The following KATNIP variants were observed in gnomAD, a reference collection of about 807,000 sequenced individuals.
The protein encoded by KATNIP is katanin-interacting protein.
Under a neutral mutation model 174.0 loss-of-function variants are expected in KATNIP, and 126 were observed. That is an observed-to-expected ratio of 0.72 (90% CI 0.63 to 0.84). The LOEUF (loss-of-function observed/expected upper bound fraction) is 0.84. KATNIP is among the 40% of genes least tolerant of loss of function. KATNIP has a pLI of 0.00. For synonymous variants in KATNIP, 810 were observed against 835.7 expected (o/e 0.97, Z 0.53); for missense variants, 1,958 against 2,109.7 (o/e 0.93, Z 1.41).
At chr16:27,613,340 A>G (rs977280924) in intron 2 of KATNIP, among the ~76,000 whole-genome samples, 2 of 152,194 alleles carry the variant, frequency 1.3e-5, no homozygotes, top group African/African-American at 4.8e-5. Context: ...TCAACATTTA[A>G]GAAGTGGAGA....
At chr16:27,555,061 G>A (rs1183782343) in intron 1 of KATNIP, among the ~76,000 whole-genome samples, 1 of 152,086 alleles carries the variant, frequency 6.6e-6, no homozygotes, top group African/African-American at 2.4e-5. Context: ...GCCTCCCAAA[G>A]TGCTGGGATT....
In KATNIP at chr16:27,600,653, T is replaced by G. The variant is rs149354982; in HGVS notation, c.64-17772T>G. On this transcript the variant is annotated intron_variant, in intron 2 of 27. Transcript: ENST00000261588. ...CAATTCGGTGTCTTGTTTTCTCTTC[T>G]GCAAAGCCCACCCAGCCCCGCCAGT... is the stretch of plus-strand genomic sequence containing the variant. 2.6e-4 allele frequency among the ~76,000 whole-genome samples: 39 copies of G among 151,504 alleles called. No homozygotes were observed. The East Asian group carries it at 6.4e-3, about 25-fold the overall frequency.
intron 8 of KATNIP, among the ~76,000 whole-genome samples, chr16:27,698,114 G>A (rs1045935050): frequency 6.6e-6 from 1 of 152,070 alleles, no homozygotes; most frequent in African/African-American, 2.4e-5. Flanking sequence ...CCCTCCCCAG[G>A]ACCAAGTCCC....
intron 9 of KATNIP, among the ~76,000 whole-genome samples, chr16:27,699,140 G>A (rs183211202): frequency 6.0e-4 from 91 of 152,308 alleles, no homozygotes; most frequent in African/African-American, 1.9e-3. Context: ...TTGTCCCCCC[G>A]ATGCTCAGAG....
intron 20 of KATNIP, among the ~76,000 whole-genome samples, chr16:27,768,775 A>C (rs2082203804): frequency 6.6e-6 from 1 of 152,138 alleles, no homozygotes; most frequent in African/African-American, 2.4e-5. Context: ...GGGGCTCCCA[A>C]AATGCTGAAG....
chr16:27,657,343 T>C (rs2077332107), intron 6 of KATNIP, among the ~76,000 whole-genome samples: 1 of 152,130 alleles, frequency 6.6e-6, no homozygotes, highest in Non-Finnish European at 1.5e-5. Flanking sequence ...ACGTTTTCTG[T>C]AGGTTTTACA....
chr16:27,772,897 A>G (rs1000092572), intron 22 of KATNIP, among the ~76,000 whole-genome samples: 3 of 152,144 alleles, frequency 2.0e-5, no homozygotes, highest in African/African-American at 7.2e-5. Context: ...ACATGCACAC[A>G]CACACACACA....
intron 15 of KATNIP, among the ~76,000 whole-genome samples, chr16:27,748,461 C>T (rs1440670413): frequency 6.6e-6 from 1 of 152,068 alleles, no homozygotes; most frequent in Non-Finnish European, 1.5e-5. Context: ...CATGTTGGTG[C>T]ACACCTGTGG....
At chr16:27,696,666 T>C (rs1156832912) in intron 8 of KATNIP, among the ~76,000 whole-genome samples, 1 of 152,146 alleles carries the variant, frequency 6.6e-6, no homozygotes, top group Non-Finnish European at 1.5e-5. Flanking sequence ...GAGAACACGA[T>C]CTCATTCTTT....
intron 1 of KATNIP, among the ~76,000 whole-genome samples, chr16:27,568,854 C>T (rs575098595): frequency 1.3e-4 from 20 of 152,086 alleles, no homozygotes; most frequent in Non-Finnish European, 2.8e-4. Flanking sequence ...TCCTTTTATT[C>T]TCCAAAACCT....
At chr16:27,751,980 A>G (rs2081539509) in intron 17 of KATNIP, 56 bp downstream of exon 17, 1 of 1,418,868 alleles carries the variant, frequency 7.0e-7, no homozygotes, top group Admixed American at 2.1e-5. Flanking sequence ...TCTTCCCCTA[A>G]CTCAGAGTAG....
intron 2 of KATNIP, among the ~76,000 whole-genome samples, chr16:27,581,253 T>A (rs987882933): frequency 3.3e-5 from 5 of 152,212 alleles, no homozygotes; most frequent in African/African-American, 1.2e-4. Context: ...AAGAATACTT[T>A]AAAGAATATT....
intron 2 of KATNIP, among the ~76,000 whole-genome samples, chr16:27,608,027 T>G (rs1049893004): frequency 6.6e-6 from 1 of 152,192 alleles, no homozygotes; most frequent in Non-Finnish European, 1.5e-5. Flanking sequence ...CACTCTCAGC[T>G]GCTCCTGAAT....
intron 12 of KATNIP, 39 bp from the exon 13 acceptor site, chr16:27,708,666 A>T (rs1383183130): frequency 6.5e-7 from 1 of 1,549,306 alleles, no homozygotes; most frequent in Non-Finnish European, 8.8e-7. Context: ...CAAGCCTGTC[A>T]TGACTTAATC....
At position 27,677,830 on chromosome 16, in the gene KATNIP, G is replaced by A; in HGVS notation, c.642G>A (p.Glu214=). The stretch of plus-strand genomic sequence containing the variant: ...CTATTGAGGAAGACATACTCTCTGA[G>A]CCTGAGCCAGAGGACCCGGCACTGG... The part of the protein sequence containing the change: ...YDSIEEDILS[E]PEPEDPALVG... Residue 214 remains glutamate (E), a synonymous_variant, in exon 7 of 28, where the codon GAG becomes GAA. Coordinates refer to ENST00000261588, the MANE Select transcript of KATNIP (RefSeq NM_015202.5). 1.2e-6 allele frequency: 2 copies of A among 1,614,218 alleles called. No individual in the cohort carries two copies. The highest frequency in any genetic ancestry group is 1.7e-6 in the Non-Finnish European group (2 of 1,180,040).
Position 27,774,967 on chromosome 16 carries a change from C to T in KATNIP, c.4332C>T (p.Ser1444=), listed in dbSNP as rs758257240. 36 of 1,613,826 alleles carry T rather than the reference C, an allele frequency of 2.2e-5. No individual in the cohort carries two copies. The South Asian group carries it at 3.2e-4, about 14-fold the overall frequency. ...SENNIAAFPD[S]VNSLEGVGGD... ...CAGATATTGCGGCCTTCCCCGACAG[C>T]GTGAACTCCCTGGAGGGTGTGGGCG... Residue 1444 remains serine, a synonymous_variant, in exon 24 of 28, where the codon AGC becomes AGT. Transcript: ENST00000261588.
At position 27,778,708 on chromosome 16, in the gene KATNIP, C is replaced by T. The variant is rs749822505; in HGVS notation, c.*79C>T. ...CCCACTCAGTGCCTGCGTCCCTCAC[C>T]CTCAGTCCCAGGAGCTGGAAGCGAA... On this transcript the variant is annotated 3_prime_UTR_variant, in exon 28 of 28. Coordinates refer to ENST00000261588, the MANE Select transcript of KATNIP (RefSeq NM_015202.5). 1.6e-4 allele frequency: 225 copies of T among 1,425,176 alleles called. 1 individual carries two copies. Among genetic ancestry groups the T allele is most frequent in the Middle Eastern group, 1.3e-3 (7 of 5,350 alleles). 88.3% of individuals were successfully genotyped at this position (1,425,176 alleles called of 1,614,324 possible).
At chr16:27,588,399 A>G (rs576562385) in intron 2 of KATNIP, among the ~76,000 whole-genome samples, 2 of 152,180 alleles carry the variant, frequency 1.3e-5, no homozygotes, top group Non-Finnish European at 2.9e-5. Context: ...AGAATAATCT[A>G]TATTTAAGAG....
intron 5 of KATNIP, among the ~76,000 whole-genome samples, chr16:27,647,991 T>A (rs1327494917): frequency 2.0e-5 from 3 of 152,240 alleles, no homozygotes; most frequent in Middle Eastern, 6.8e-3. Flanking sequence ...ACTAGAAGTC[T>A]ACTGATAAAG....
Sources: allele counts gnomAD v4.1 joint callset (sites outside exome capture counted in the v4.1 genomes callset), GRCh38; gene constraint gnomAD v4.1.1; transcripts MANE v1.5; gene names NCBI Gene and HGNC (gene_info 2026-07-23, HGNC 2026-07-21).